The following ZDHHC7 variants were observed in gnomAD, a reference collection of about 807,000 sequenced individuals.
The protein encoded by ZDHHC7 is zDHHC palmitoyltransferase 7, also known as palmitoyltransferase ZDHHC7.
Under a neutral mutation model 34.1 loss-of-function variants are expected in ZDHHC7, and 12 were observed. The observed-to-expected ratio is 0.35, with a 90% confidence interval of 0.23 to 0.57. The LOEUF (loss-of-function observed/expected upper bound fraction) is 0.57. ZDHHC7 is among the 20% of genes least tolerant of loss of function. The pLI is 0.84. For synonymous variants in ZDHHC7, 185 were observed against 155.4 expected, an observed-to-expected ratio of 1.19 and a Z score of -1.42; for missense variants, 388 against 402.7, an observed-to-expected ratio of 0.96 and a Z score of 0.31.
intron 3 of ZDHHC7, among the ~76,000 whole-genome samples, chr16:84,989,415 G>C (rs1315080957): frequency 6.6e-6 from 1 of 152,202 alleles, no homozygotes; most frequent in Non-Finnish European, 1.5e-5. Context: ...AAGAGTCCTG[G>C]TCAGGCGCGA....
chr16:85,004,958 C>T (rs1469397056), intron 1 of ZDHHC7: 1 of 152,190 alleles, frequency 6.6e-6, no homozygotes, highest in African/African-American at 2.4e-5. Context: ...AACATGTGCG[C>T]GGGACCTCAC....
At chr16:84,997,626 G>A (rs1305510979) in intron 1 of ZDHHC7, among the ~76,000 whole-genome samples, 2 of 151,232 alleles carry the variant, frequency 1.3e-5, no homozygotes, top group African/African-American at 4.8e-5. Context: ...CAGGCACAGT[G>A]GCTCACGCCT....
chr16:84,988,651 G>C (rs562387363), intron 3 of ZDHHC7: 1 of 888,450 alleles, frequency 1.1e-6, no homozygotes, highest in East Asian at 2.7e-5. Context: ...AGTAGCTGTA[G>C]AGTCTGAGCG....
chr16:85,015,731 G>A (rs986837406), upstream of ZDHHC7, among the ~76,000 whole-genome samples: 1 of 151,972 alleles, frequency 6.6e-6, no homozygotes, highest in South Asian at 2.1e-4. Context: ...TGTAGTCCCA[G>A]CTCCTCAAGG....
chr16:85,007,076 T>C (rs9937746), intron 1 of ZDHHC7, among the ~76,000 whole-genome samples: 51,375 of 151,702 alleles, frequency 0.34, 9,897 homozygotes, highest in African/African-American at 0.52. Flanking sequence ...GGGCCCCATA[T>C]GGAGTCTGGG....
At chr16:85,006,093 G>A (rs1299101427) in intron 1 of ZDHHC7, among the ~76,000 whole-genome samples, 5 of 152,180 alleles carry the variant, frequency 3.3e-5, no homozygotes, top group African/African-American at 1.2e-4. Context: ...GCCAGAGGTG[G>A]CGGCTCACAC....
intron 7 of ZDHHC7, 91 bp from the exon 8 acceptor site, chr16:84,976,610 T>G: frequency 2.0e-6 from 3 of 1,506,038 alleles, no homozygotes; most frequent in Non-Finnish European, 2.7e-6. Context: ...TCAAGCACAG[T>G]GTGGGCTCGA....
chr16:84,984,532 G>A (rs2072412189), intron 3 of ZDHHC7, among the ~76,000 whole-genome samples: 2 of 152,174 alleles, frequency 1.3e-5, no homozygotes, highest in Non-Finnish European at 2.9e-5. Flanking sequence ...ATGATACGAT[G>A]TGGCACGATA....
chr16:84,976,003 T>C lies in ZDHHC7; in HGVS notation c.*340A>G, dbSNP rs757313727. 5.7e-5 allele frequency: 15 copies of C among 265,386 alleles called. No homozygotes were observed. The highest frequency in any genetic ancestry group is 9.3e-5 in the Non-Finnish European group (13 of 140,224). The allele number at this position is 265,386 out of a possible 1,614,324, so 16.4% of individuals were successfully genotyped here. On this transcript the variant is annotated 3_prime_UTR_variant, in exon 8 of 8. Coordinates refer to ENST00000313732, the MANE Select transcript of ZDHHC7 (RefSeq NM_017740.3). ...GAATCCCTGTTCACTGGATTCACTG[T>C]TTTTCTTCATGATTGGAAACAGCAG... is the stretch of plus-strand genomic sequence containing the variant.
intron 1 of ZDHHC7, among the ~76,000 whole-genome samples, chr16:85,006,750 A>G (rs1043357735): frequency 1.3e-5 from 2 of 152,128 alleles, no homozygotes; most frequent in Non-Finnish European, 2.9e-5. Flanking sequence ...AAATAGTAAT[A>G]ATAAAAAATT....
At chr16:85,025,227 C>T in the ZDHHC7 span, among the ~76,000 whole-genome samples, 4 of 151,200 alleles carry the variant, frequency 2.6e-5, no homozygotes, top group Admixed American at 6.6e-5. Flanking sequence ...GCTGAGATTG[C>T]GTCACTGCAC....
At chr16:85,021,488 C>G in the ZDHHC7 span, among the ~76,000 whole-genome samples, 4 of 149,074 alleles carry the variant, frequency 2.7e-5, no homozygotes, top group Non-Finnish European at 4.4e-5. Flanking sequence ...GCAGGTGGAT[C>G]AACTGCGGCC....
chr16:85,016,289 T>C (rs1341434819), upstream of ZDHHC7, among the ~76,000 whole-genome samples: 1 of 151,816 alleles, frequency 6.6e-6, no homozygotes, highest in Non-Finnish European at 1.5e-5. Context: ...CCCAAACTGT[T>C]AGGATTATAG....
intron 1 of ZDHHC7, among the ~76,000 whole-genome samples, chr16:85,006,990 A>C (rs1484079186): frequency 6.6e-6 from 1 of 152,002 alleles, no homozygotes; most frequent in African/African-American, 2.4e-5. Flanking sequence ...TCAAGCACCC[A>C]CTACCTATAA....
intron 2 of ZDHHC7, among the ~76,000 whole-genome samples, chr16:84,991,129 A>T (rs1396039931): frequency 6.6e-6 from 1 of 152,114 alleles, no homozygotes; most frequent in Non-Finnish European, 1.5e-5. Flanking sequence ...TCATCTTTAC[A>T]CCGCCTCATA....
At chr16:85,001,274 C>T (rs867225172) in intron 1 of ZDHHC7, among the ~76,000 whole-genome samples, 3 of 152,032 alleles carry the variant, frequency 2.0e-5, no homozygotes, top group African/African-American at 7.2e-5. Flanking sequence ...AGTTCAAGAC[C>T]AGCCTAGCCA....
intron 1 of ZDHHC7, among the ~76,000 whole-genome samples, chr16:85,011,033 G>C (rs2143770886): frequency 6.6e-6 from 1 of 152,368 alleles, no homozygotes; most frequent in African/African-American, 2.4e-5. Flanking sequence ...TCACGCCCAA[G>C]GTCAGGCAAA....
the ZDHHC7 span, among the ~76,000 whole-genome samples, chr16:85,016,817 A>G: frequency 6.6e-6 from 1 of 152,048 alleles, no homozygotes; most frequent in Admixed American, 6.6e-5. Flanking sequence ...ATTCTTATCA[A>G]GGATCTTCAT....
rs542458189 is a variant in ZDHHC7 at position 84,975,967 on chromosome 16, G to A, written c.*376C>T. Reference sequence around the variant, plus strand: ...GGGGTCAGCAGGAGCCCCCTGAAATGACTGCTTGGAGAATCCCTGTTCACT... The same window carrying A: ...GGGGTCAGCAGGAGCCCCCTGAAATAACTGCTTGGAGAATCCCTGTTCACT... On this transcript the variant is annotated 3_prime_UTR_variant, in exon 8 of 8. Transcript: ENST00000313732. 11 of 225,660 alleles carry A rather than the reference G, an allele frequency of 4.9e-5. No homozygotes were observed. In the South Asian group the frequency reaches 7.2e-4, roughly 15 times the overall value. The allele number at this position is 225,660 out of a possible 1,614,324, so 14.0% of individuals were successfully genotyped here.
Sources: allele counts gnomAD v4.1 joint callset (sites outside exome capture counted in the v4.1 genomes callset), GRCh38; gene constraint gnomAD v4.1.1; transcripts MANE v1.5; gene names NCBI Gene and HGNC (gene_info 2026-07-23, HGNC 2026-07-21).